Variants in CBLB observed in about 807,000 individuals in gnomAD.
The protein encoded by CBLB is Cbl proto-oncogene B.
A neutral mutation model predicts 104.9 loss-of-function variants in CBLB; 31 were observed. The ratio of observed to expected loss-of-function variants is 0.30; its 90% CI spans 0.22 to 0.40. The LOEUF is 0.40. Among genes scored for constraint, CBLB ranks in the 10% least tolerant of loss-of-function variants. The pLI, the probability that CBLB is intolerant of heterozygous loss-of-function variation, is 1.00. For missense variants in CBLB, 1,062 were observed against 1,214.6 expected, an observed-to-expected ratio of 0.87 and a Z score of 1.87; for synonymous variants, 440 against 422.6, an observed-to-expected ratio of 1.04 and a Z score of -0.51.
intron 4 of CBLB, among the ~76,000 whole-genome samples, chr3:105,757,478 A>G (rs1456634815): frequency 6.6e-6 from 1 of 152,210 alleles, no homozygotes; most frequent in Non-Finnish European, 1.5e-5. Flanking sequence ...GGCGTCTTCC[A>G]AGATGCAGGC....
intron 8 of CBLB, among the ~76,000 whole-genome samples, chr3:105,735,722 G>C (rs1017273607): frequency 6.6e-6 from 1 of 152,058 alleles, no homozygotes; most frequent in Non-Finnish European, 1.5e-5. Context: ...AGGGCGAGGC[G>C]GGTGGATCAC....
At chr3:105,805,035 TCA>T (rs2083333491) in intron 3 of CBLB, among the ~76,000 whole-genome samples, 1 of 152,184 alleles carries the variant, frequency 6.6e-6, no homozygotes, top group South Asian at 2.1e-4. Flanking sequence ...GCCCTTACCA[TCA>T]CTTATCCAAA....
At chr3:105,706,444 G>C (rs111974723) in intron 10 of CBLB, among the ~76,000 whole-genome samples, 178 of 152,246 alleles carry the variant, frequency 1.2e-3, no homozygotes, top group African/African-American at 4.1e-3. Flanking sequence ...CTTGAGTACA[G>C]CCAGTGATTC....
At chr3:105,688,229 C>T (rs1241773035) in intron 13 of CBLB, among the ~76,000 whole-genome samples, 1 of 151,842 alleles carries the variant, frequency 6.6e-6, no homozygotes, top group African/African-American at 2.4e-5. Flanking sequence ...TACTGCAATC[C>T]CTTTATATTC....
rs1229838674 is a variant in CBLB, at chr3:105,868,900, C to T, written c.-179G>A. The T allele has an allele frequency of 3.0e-6, 3 of 1,008,824 alleles. No individual in the cohort carries two copies. Among genetic ancestry groups the T allele is most frequent in the South Asian group, 7.9e-5 (2 of 25,344 alleles). The allele number at this position is 1,008,824 out of a possible 1,614,324, so 62.5% of individuals were successfully genotyped here. ...CGCGCAGGCCTCCGAGACGTGGAAA[C>T]GCAACAATTACCGTCAAGACAAATC... On this transcript the variant is annotated 5_prime_UTR_variant, in exon 1 of 19. Transcript: ENST00000394030.
chr3:105,690,005 A>G (rs1422784312), intron 13 of CBLB, among the ~76,000 whole-genome samples: 1 of 129,830 alleles, frequency 7.7e-6, no homozygotes, highest in Non-Finnish European at 1.6e-5. Context: ...AAATAATTGC[A>G]AAGATACAGT....
intron 2 of CBLB, among the ~76,000 whole-genome samples, chr3:105,857,672 A>G (rs2091743656): frequency 6.6e-6 from 1 of 152,202 alleles, no homozygotes; most frequent in African/African-American, 2.4e-5. Flanking sequence ...ACTCATTTAC[A>G]TTTTTATTTT....
intron 18 of CBLB, among the ~76,000 whole-genome samples, chr3:105,667,919 T>C (rs1237161754): frequency 3.9e-5 from 6 of 152,118 alleles, no homozygotes; most frequent in African/African-American, 1.2e-4. Flanking sequence ...ATTAGAATCC[T>C]AAAGGCGCAT....
intron 3 of CBLB, among the ~76,000 whole-genome samples, chr3:105,837,626 T>C (rs764074994): frequency 1.3e-5 from 2 of 152,216 alleles, no homozygotes; most frequent in Non-Finnish European, 2.9e-5. Context: ...GAAGTACTTG[T>C]AAACTGTAGT....
intron 10 of CBLB, among the ~76,000 whole-genome samples, chr3:105,713,957 A>G (rs2071474774): frequency 6.6e-6 from 1 of 152,188 alleles, no homozygotes; most frequent in Admixed American, 6.5e-5. Flanking sequence ...AAAAAACAAA[A>G]GTGTCCCCAT....
chr3:105,849,426 T>C (rs1004235318), intron 3 of CBLB, among the ~76,000 whole-genome samples: 4 of 152,026 alleles, frequency 2.6e-5, no homozygotes, highest in Non-Finnish European at 5.9e-5. Flanking sequence ...CAAAATTCAC[T>C]TGGACACTTA....
intron 3 of CBLB, among the ~76,000 whole-genome samples, chr3:105,790,643 C>CT (rs1376169452): frequency 2.4e-4 from 36 of 152,296 alleles, no homozygotes; most frequent in African/African-American, 8.4e-4. Context: ...TACATACACT[C>CT]TAACTGTACA....
intron 9 of CBLB, among the ~76,000 whole-genome samples, chr3:105,733,694 A>G (rs1464695121): frequency 6.6e-6 from 1 of 152,184 alleles, no homozygotes; most frequent in Admixed American, 6.5e-5. Flanking sequence ...GACCTACTAC[A>G]AACAGATTCT....
At chr3:105,707,119 A>G (rs999080954) in intron 10 of CBLB, among the ~76,000 whole-genome samples, 3 of 152,214 alleles carry the variant, frequency 2.0e-5, no homozygotes, top group African/African-American at 7.2e-5. Context: ...GAAAGAGTAT[A>G]ATGAAAATCC....
intron 6 of CBLB, among the ~76,000 whole-genome samples, chr3:105,741,252 C>T (rs1183198908): frequency 6.6e-6 from 1 of 151,666 alleles, no homozygotes; most frequent in Non-Finnish European, 1.5e-5. Flanking sequence ...GCAGTGGCGC[C>T]ATCTCGGCTC....
intron 10 of CBLB, among the ~76,000 whole-genome samples, chr3:105,705,889 A>C (rs907888740): frequency 6.6e-6 from 1 of 152,204 alleles, no homozygotes; most frequent in African/African-American, 2.4e-5. Flanking sequence ...TAATGCCAGC[A>C]CTTTGGGAGG....
At chr3:105,854,578 T>C (rs889823117) in intron 2 of CBLB, among the ~76,000 whole-genome samples, 2 of 149,716 alleles carry the variant, frequency 1.3e-5, no homozygotes, top group African/African-American at 4.9e-5. Context: ...GGCTCTCTTC[T>C]AAGGCCCTCG....
intron 3 of CBLB, among the ~76,000 whole-genome samples, chr3:105,797,138 T>C (rs2082336535): frequency 1.3e-5 from 2 of 152,238 alleles, no homozygotes; most frequent in Admixed American, 6.5e-5. Flanking sequence ...TGAACGTATA[T>C]GTTTACTGCA....
intron 17 of CBLB, 125 bp downstream of exon 17, chr3:105,678,306 C>T: frequency 1.1e-6 from 1 of 920,322 alleles, no homozygotes; most frequent in South Asian, 1.4e-5. Context: ...ACTTTTACCA[C>T]CCAGGGATTT....
Sources: allele counts gnomAD v4.1 joint callset (sites outside exome capture counted in the v4.1 genomes callset), GRCh38; gene constraint gnomAD v4.1.1; transcripts MANE v1.5; gene names NCBI Gene and HGNC (gene_info 2026-07-23, HGNC 2026-07-21).